The following NEGR1 variants were observed in gnomAD, a reference collection of about 807,000 sequenced individuals.
NEGR1 encodes the protein neuronal growth regulator 1.
In NEGR1, 10 loss-of-function variants were observed where a neutral mutation model predicts 40.9. That is an observed-to-expected ratio of 0.24 (90% confidence interval 0.15 to 0.42). The LOEUF is 0.42. Among genes scored for constraint, NEGR1 ranks in the 10% least tolerant of loss-of-function variants. The probability of loss-of-function intolerance (pLI) is 1.00; values close to 1 mark genes in which losing one functional copy is unlikely to be tolerated. For missense variants in NEGR1, 352 were observed against 438.9 expected (o/e 0.80, Z 1.77); for synonymous variants, 185 against 166.8 (o/e 1.11, Z -0.84).
Position 71,824,819 on chromosome 1 carries a change from T to C in NEGR1, c.410-48522A>G, listed in dbSNP as rs905328490. On this transcript the variant is annotated intron_variant, in intron 2 of 6. Transcript: ENST00000357731. Reference sequence around the variant, plus strand: ...GTCTGTAAGATTTGTCCACACTGCATGTGTCGTTGATTTATTCTTAGTTAT... The same window carrying C: ...GTCTGTAAGATTTGTCCACACTGCACGTGTCGTTGATTTATTCTTAGTTAT... 2.6e-5 allele frequency among the ~76,000 whole-genome samples: 4 copies of C among 152,002 alleles called. No individual in the cohort carries two copies. The East Asian group carries it at 5.8e-4, about 22-fold the overall frequency.
intron 5 of NEGR1, among the ~76,000 whole-genome samples, chr1:71,609,005 C>A (rs1650156909): frequency 6.6e-6 from 1 of 152,016 alleles, no homozygotes; most frequent in Admixed American, 6.6e-5. Context: ...GGCAGATGTA[C>A]AATATTGTAG....
At chr1:72,265,984 T>C (rs1655625425) in intron 1 of NEGR1, among the ~76,000 whole-genome samples, 1 of 150,942 alleles carries the variant, frequency 6.6e-6, no homozygotes, top group African/African-American at 2.4e-5. Flanking sequence ...AAAAATAATC[T>C]TACTTTGAGA....
intron 2 of NEGR1, among the ~76,000 whole-genome samples, chr1:71,812,773 T>C (rs1658051659): frequency 6.6e-6 from 1 of 152,142 alleles, no homozygotes; most frequent in Admixed American, 6.6e-5. Flanking sequence ...TTCTTGTAAA[T>C]TTGTTTAAAG....
intron 4 of NEGR1, among the ~76,000 whole-genome samples, chr1:71,647,811 C>A (rs1213511): frequency 6.6e-6 from 1 of 151,666 alleles, no homozygotes; most frequent in Non-Finnish European, 1.5e-5. Context: ...ACTACAGCAG[C>A]CACTTCATAC....
intron 6 of NEGR1, among the ~76,000 whole-genome samples, chr1:71,409,513 A>G (rs538442968): frequency 6.6e-6 from 1 of 152,196 alleles, no homozygotes; most frequent in African/African-American, 2.4e-5. Flanking sequence ...ATCCTTGAAA[A>G]TGCGTTTTTG....
chr1:72,059,000 T>A (rs1647140432), intron 1 of NEGR1, among the ~76,000 whole-genome samples: 1 of 151,656 alleles, frequency 6.6e-6, no homozygotes, highest in African/African-American at 2.4e-5. Context: ...TTTTACAACA[T>A]CACAAAATGG....
chr1:71,837,415 CT>C (rs1316384026), intron 2 of NEGR1, among the ~76,000 whole-genome samples: 1 of 152,044 alleles, frequency 6.6e-6, no homozygotes, highest in African/African-American at 2.4e-5. Context: ...AGACCTTGTG[CT>C]TTTAGTGTGA....
At chr1:72,083,851 A>C (rs1183620211) in intron 1 of NEGR1, among the ~76,000 whole-genome samples, 1 of 152,096 alleles carries the variant, frequency 6.6e-6, no homozygotes, top group East Asian at 1.9e-4. Context: ...GTTCTGCCCC[A>C]GAGTGGTATA....
intron 6 of NEGR1, chr1:71,570,973 A>G (rs1017075343): frequency 6.6e-6 from 1 of 152,176 alleles, no homozygotes; most frequent in African/African-American, 2.4e-5. Flanking sequence ...CTAATTGCCA[A>G]ATTACTGATG....
chr1:71,945,073 T>TGCTA (rs1336467971), intron 1 of NEGR1, among the ~76,000 whole-genome samples: 1 of 152,196 alleles, frequency 6.6e-6, no homozygotes, highest in African/African-American at 2.4e-5. Flanking sequence ...TTTGAGTCTT[T>TGCTA]GCTAGATCTT....
intron 6 of NEGR1, among the ~76,000 whole-genome samples, chr1:71,411,731 G>T (rs541242510): frequency 1.3e-5 from 2 of 152,240 alleles, no homozygotes; most frequent in African/African-American, 4.8e-5. Flanking sequence ...CGGGTGCAGT[G>T]GTTCATGCCT....
At chr1:71,626,373 C>T (rs1650778527) in intron 4 of NEGR1, among the ~76,000 whole-genome samples, 1 of 135,660 alleles carries the variant, frequency 7.4e-6, no homozygotes, top group South Asian at 2.9e-4. Context: ...CCCCCGACCC[C>T]ACAACAGGCC....
chr1:72,012,724 A>AT (rs1433765297), intron 1 of NEGR1, among the ~76,000 whole-genome samples: 1 of 151,172 alleles, frequency 6.6e-6, no homozygotes, highest in Admixed American at 6.6e-5. Context: ...ATCTGCATAT[A>AT]TTTTTTCCAG....
intron 1 of NEGR1, among the ~76,000 whole-genome samples, chr1:72,279,358 A>G (rs1034812340): frequency 2.0e-5 from 3 of 152,174 alleles, no homozygotes; most frequent in Non-Finnish European, 4.4e-5. Context: ...ACCACAAGCA[A>G]CAGAGTCACT....
intron 1 of NEGR1, among the ~76,000 whole-genome samples, chr1:72,196,431 C>T (rs1653000936): frequency 6.6e-6 from 1 of 152,024 alleles, no homozygotes; most frequent in Non-Finnish European, 1.5e-5. Flanking sequence ...CTAAAATATG[C>T]ACCTATTAGA....
intron 3 of NEGR1, among the ~76,000 whole-genome samples, chr1:71,741,724 C>G (rs992345815): frequency 6.6e-6 from 1 of 152,292 alleles, no homozygotes; most frequent in South Asian, 2.1e-4. Context: ...ATTGGCTTAT[C>G]GTTCTGCAGG....
intron 1 of NEGR1, among the ~76,000 whole-genome samples, chr1:72,201,303 T>G (rs1182569245): frequency 6.6e-6 from 1 of 150,718 alleles, no homozygotes; most frequent in Non-Finnish European, 1.5e-5. Context: ...AAAAAATAAT[T>G]TTTTTATATT....
chr1:72,257,321 C>CAAAAAAAAAA (rs34220734), intron 1 of NEGR1, among the ~76,000 whole-genome samples: 24 of 57,126 alleles, frequency 4.2e-4, no homozygotes, highest in African/African-American at 1.4e-3. Context: ...GACTCTGTCT[C>CAAAAAAAAAA]AAAAAAAAAA....
intron 1 of NEGR1, among the ~76,000 whole-genome samples, chr1:72,075,865 T>A (rs1224511598): frequency 2.0e-5 from 3 of 152,156 alleles, no homozygotes; most frequent in Admixed American, 6.6e-5. Context: ...ATTACAGAAC[T>A]AAGATCGGAG....
Sources: gnomAD v4.1 joint callset for allele counts (sites outside exome capture counted in the v4.1 genomes callset) on GRCh38, gnomAD v4.1.1 for gene constraint, MANE v1.5 for transcripts, NCBI Gene and HGNC (gene_info 2026-07-23, HGNC 2026-07-21) for gene names.